SLCO3A1: variants seen among roughly 807,000 people sequenced by gnomAD.
SLCO3A1 encodes solute carrier organic anion transporter family member 3A1, also known as PGE1 transporter.
A neutral mutation model predicts 63.1 loss-of-function variants in SLCO3A1; 27 were observed. That is an observed-to-expected ratio of 0.43 (90% CI 0.32 to 0.59). The LOEUF is 0.59. SLCO3A1 is among the 20% of genes least tolerant of loss of function. The probability of loss-of-function intolerance (pLI) is 0.09; values close to 1 mark genes in which losing one functional copy is unlikely to be tolerated. For synonymous variants in SLCO3A1, 473 were observed against 409.9 expected (o/e 1.15, Z -1.86); for missense variants, 773 against 945.8 (o/e 0.82, Z 2.40).
chr15:91,976,756 C>G (rs2151433259), intron 2 of SLCO3A1, among the ~76,000 whole-genome samples: 1 of 152,110 alleles, frequency 6.6e-6, no homozygotes, highest in Non-Finnish European at 1.5e-5. Context: ...CGTGATGCCC[C>G]ACAAGCCGCA....
intron 2 of SLCO3A1, among the ~76,000 whole-genome samples, chr15:91,937,754 A>AT (rs1411274131): frequency 1.3e-5 from 2 of 152,100 alleles, no homozygotes; most frequent in African/African-American, 4.8e-5. Flanking sequence ...AGGCTTATAA[A>AT]TCTGTGGAAA....
At chr15:91,992,321 C>T (rs12439738) in intron 2 of SLCO3A1, among the ~76,000 whole-genome samples, 44,280 of 152,078 alleles carry the variant, frequency 0.29, 6,883 homozygotes, top group African/African-American at 0.37. Flanking sequence ...ACGATGAGCA[C>T]TTCCACCCAA....
intron 1 of SLCO3A1, among the ~76,000 whole-genome samples, chr15:91,914,611 C>T (rs1898593749): frequency 6.7e-6 from 1 of 149,340 alleles, no homozygotes; most frequent in Non-Finnish European, 1.5e-5. Context: ...GCTCTGTTGC[C>T]CAAACTGGAG....
intron 2 of SLCO3A1, among the ~76,000 whole-genome samples, chr15:92,053,819 T>C (rs181202500): frequency 6.6e-6 from 1 of 152,038 alleles, no homozygotes; most frequent in Non-Finnish European, 1.5e-5. Context: ...GTAGGACTTA[T>C]CACTGGGGGT....
rs113788823 is a variant in SLCO3A1, at chr15:92,029,011, T to C, written c.647-65870T>C. ...CAAAACTGCCAGTTGATTAGAAAAA[T>C]GTCCTGTTTCCTTCAGGCCCCAGAG... On this transcript the variant is annotated intron_variant, in intron 2 of 9. Coordinates refer to ENST00000318445, the MANE Select transcript of SLCO3A1 (RefSeq NM_013272.4). Among the ~76,000 whole-genome samples the C allele has an allele frequency of 6.1e-3, 917 of 150,346 alleles. 20 individuals carry two copies. Among genetic ancestry groups the C allele is most frequent in the African/African-American group, 0.021 (877 of 40,922 alleles).
Position 91,853,876 on chromosome 15 carries a change from A to T in SLCO3A1, c.-33A>T. 1 of 1,294,444 alleles carries T rather than the reference A, an allele frequency of 7.7e-7. No individual in the cohort carries two copies. Among genetic ancestry groups the T allele is most frequent in the Non-Finnish European group, 9.8e-7 (1 of 1,017,916 alleles). 80.2% of individuals were successfully genotyped at this position (1,294,444 alleles called of 1,614,324 possible). A position where few individuals can be genotyped will look rare whatever the true frequency, so the allele number is the denominator to read the frequency against. On this transcript the variant is annotated 5_prime_UTR_variant, in exon 1 of 10. Transcript: ENST00000318445. The stretch of plus-strand genomic sequence containing the variant: ...CACCCGGGGCGAGCGGGAAAGCGGC[A>T]GCGGCGGCGGCGGCGGCGGCGGCGG...
At chr15:92,109,485 G>A (rs978411689) in intron 4 of SLCO3A1, among the ~76,000 whole-genome samples, 5 of 152,192 alleles carry the variant, frequency 3.3e-5, no homozygotes, top group African/African-American at 1.2e-4. Context: ...GCAACCATTG[G>A]CCTGTCCTGA....
chr15:92,130,884 GCAA>G lies in SLCO3A1; in HGVS notation c.1512+2396_1512+2398del, dbSNP rs762413221. Among the ~76,000 whole-genome samples the G allele has an allele frequency of 6.7e-3, 723 of 107,320 alleles. 6 individuals are homozygous for G. The highest frequency in any genetic ancestry group is 0.01 in the Middle Eastern group (2 of 194). 70.4% of individuals were successfully genotyped at this position (107,320 alleles called of 152,430 possible). ...CACTCTTCTTGTCTCCAAGTTCGGG[GCAA>G]AAAAAAAAAAAAAAAAAAAAAACTC... On this transcript the variant is annotated intron_variant, in intron 7 of 9. Coordinates refer to ENST00000318445, the MANE Select transcript of SLCO3A1 (RefSeq NM_013272.4).
intron 7 of SLCO3A1, among the ~76,000 whole-genome samples, chr15:92,141,759 A>G (rs1417194650): frequency 1.3e-5 from 2 of 152,208 alleles, no homozygotes; most frequent in Non-Finnish European, 2.9e-5. Flanking sequence ...TGAGTGGAAG[A>G]TCCCTCCTTA....
intron 4 of SLCO3A1, among the ~76,000 whole-genome samples, chr15:92,109,920 G>A (rs922218279): frequency 2.6e-5 from 4 of 152,082 alleles, no homozygotes; most frequent in East Asian, 1.9e-4. Flanking sequence ...TTAGATTCCC[G>A]TGGCTGGGCT....
At chr15:92,169,272 T>A (rs2048509034), downstream of SLCO3A1, among the ~76,000 whole-genome samples, 1 of 152,234 alleles carries the variant, frequency 6.6e-6, no homozygotes, top group South Asian at 2.1e-4. Context: ...AACCCAGGTC[T>A]GTGAAAAAGC....
At chr15:92,115,403 G>A (rs905946644) in intron 4 of SLCO3A1, among the ~76,000 whole-genome samples, 1 of 152,104 alleles carries the variant, frequency 6.6e-6, no homozygotes, top group Admixed American at 6.5e-5. Context: ...AGCAAGTCGT[G>A]TATCCCCATG....
chr15:92,134,756 T>A (rs538321944), intron 7 of SLCO3A1, among the ~76,000 whole-genome samples: 1 of 152,336 alleles, frequency 6.6e-6, no homozygotes, highest in East Asian at 1.9e-4. Context: ...CAGATTTTTT[T>A]AATTTAAAAA....
At chr15:91,855,106 G>A (rs1597058116) in intron 1 of SLCO3A1, among the ~76,000 whole-genome samples, 1 of 152,292 alleles carries the variant, frequency 6.6e-6, no homozygotes, top group East Asian at 1.9e-4. Context: ...CATAGACTTT[G>A]AGTATTCCTG....
At chr15:91,895,936 G>C (rs1897991694) in intron 1 of SLCO3A1, among the ~76,000 whole-genome samples, 1 of 152,230 alleles carries the variant, frequency 6.6e-6, no homozygotes, top group South Asian at 2.1e-4. Flanking sequence ...TGTAGACCCA[G>C]CCTTACTCAA....
chr15:91,980,606 A>T (rs946303605), intron 2 of SLCO3A1, among the ~76,000 whole-genome samples: 1 of 152,068 alleles, frequency 6.6e-6, no homozygotes, highest in Non-Finnish European at 1.5e-5. Context: ...TACTCCAGGG[A>T]TCATTCCATA....
intron 1 of SLCO3A1, among the ~76,000 whole-genome samples, chr15:91,884,740 G>A (rs1897680811): frequency 6.6e-6 from 1 of 151,978 alleles, no homozygotes; most frequent in Non-Finnish European, 1.5e-5. Context: ...CAGTTCTAAT[G>A]GTGACATTTC....
chr15:92,171,576 G>A, intron 10 of SLCO3A1: 1 of 532,870 alleles, frequency 1.9e-6, no homozygotes, highest in South Asian at 2.7e-5. Flanking sequence ...AGGATATTTG[G>A]CCTTCAAAAA....
At chr15:91,973,582 G>A (rs1438742477) in intron 2 of SLCO3A1, among the ~76,000 whole-genome samples, 1 of 152,180 alleles carries the variant, frequency 6.6e-6, no homozygotes, top group Non-Finnish European at 1.5e-5. Flanking sequence ...ATTCGAGGGC[G>A]AGTTAGGGCA....
Sources: gnomAD v4.1 joint callset for allele counts (sites outside exome capture counted in the v4.1 genomes callset) on GRCh38, gnomAD v4.1.1 for gene constraint, MANE v1.5 for transcripts, NCBI Gene and HGNC (gene_info 2026-07-23, HGNC 2026-07-21) for gene names.